The following PIK3C2A variants were observed in gnomAD, a reference collection of about 807,000 sequenced individuals.
PIK3C2A encodes phosphatidylinositol-4-phosphate 3-kinase catalytic subunit type 2 alpha, also known as phosphatidylinositol 4-phosphate 3-kinase C2 domain-containing subunit alpha.
In PIK3C2A, 97 loss-of-function variants were observed where a neutral mutation model predicts 204.5. That is an observed-to-expected ratio of 0.47 (90% CI 0.40 to 0.56). The LOEUF (loss-of-function observed/expected upper bound fraction) is 0.56, where lower values mean the gene tolerates loss of function less well. Ranked by LOEUF, PIK3C2A falls within the 20% of genes least tolerant of loss-of-function variation. The pLI is 0.00. For missense variants in PIK3C2A, 1,735 were observed against 1,969.2 expected (o/e 0.88, Z 2.25); for synonymous variants, 653 against 664.4 (o/e 0.98, Z 0.26).
At position 17,145,545 on chromosome 11, in the gene PIK3C2A, TAAA is replaced by T; in HGVS notation, c.1704+120_1704+122del. The T allele has an allele frequency of 6.5e-6, 4 of 613,236 alleles. No homozygotes were observed. In the Admixed American group the frequency reaches 1.2e-4, roughly 19 times the overall value. 38.0% of individuals were successfully genotyped at this position (613,236 alleles called of 1,614,324 possible). A position where few individuals can be genotyped will look rare whatever the true frequency, so the allele number is the denominator to read the frequency against. ...AATTAAACCTATTTTCTTTATAAAT[TAAA>T]AAGAAGAATATAGTCTTAAAAGTCC... is the stretch of plus-strand genomic sequence containing the variant. On this transcript the variant is annotated intron_variant, in intron 8 of 32. Transcript: ENST00000691414.
intron 2 of PIK3C2A, among the ~76,000 whole-genome samples, chr11:17,168,205 T>C (rs758830298): frequency 6.6e-6 from 1 of 152,130 alleles, no homozygotes; most frequent in African/African-American, 2.4e-5. Flanking sequence ...TCACATTTCA[T>C]CCTTTGCCAC....
intron 8 of PIK3C2A, among the ~76,000 whole-genome samples, chr11:17,144,419 A>G (rs1453176152): frequency 3.3e-5 from 5 of 152,330 alleles, no homozygotes; most frequent in African/African-American, 1.2e-4. Flanking sequence ...GGACTAGGTC[A>G]TTCATTTTCA....
intron 1 of PIK3C2A, among the ~76,000 whole-genome samples, chr11:17,182,082 A>T (rs2137529049): frequency 6.6e-6 from 1 of 151,954 alleles, no homozygotes; most frequent in African/African-American, 2.4e-5. Flanking sequence ...ACAAGAGTGA[A>T]ACTCTGTCTC....
chr11:17,089,172 A>G lies in PIK3C2A; in HGVS notation c.*566T>C, dbSNP rs1212820930. On this transcript the variant is annotated 3_prime_UTR_variant, in exon 33 of 33. Transcript: ENST00000691414. Reference sequence around the variant, plus strand: ...GGCACTTATTCTGAAAAAGGCTTTAAAGACATGAATAAAAAGCAGTATTAC... The same window carrying G: ...GGCACTTATTCTGAAAAAGGCTTTAGAGACATGAATAAAAAGCAGTATTAC... 4 of 152,230 alleles carry G rather than the reference A, an allele frequency of 2.6e-5. No individual in the cohort carries two copies. Among genetic ancestry groups the G allele is most frequent in the African/African-American group, 9.6e-5 (4 of 41,464 alleles). The allele number at this position is 152,230 out of a possible 1,614,324, so 9.4% of individuals were successfully genotyped here. A position where few individuals can be genotyped will look rare whatever the true frequency, so the allele number is the denominator to read the frequency against.
intron 26 of PIK3C2A, among the ~76,000 whole-genome samples, chr11:17,098,888 T>C (rs973372741): frequency 2.0e-5 from 3 of 152,168 alleles, no homozygotes; most frequent in Non-Finnish European, 2.9e-5. Context: ...TTAGAACATA[T>C]TTGTCAAGAA....
intron 19 of PIK3C2A, among the ~76,000 whole-genome samples, chr11:17,114,883 G>A (rs1169889054): frequency 6.6e-6 from 1 of 152,050 alleles, no homozygotes; most frequent in Non-Finnish European, 1.5e-5. Flanking sequence ...AATACATGTC[G>A]CTCTTGACTC....
intron 2 of PIK3C2A, among the ~76,000 whole-genome samples, chr11:17,165,429 T>A (rs1269774686): frequency 6.6e-6 from 1 of 152,156 alleles, no homozygotes; most frequent in Non-Finnish European, 1.5e-5. Flanking sequence ...ATATCTCCTA[T>A]GACAGGGAAC....
chr11:17,135,249 G>A (rs1849832618), intron 9 of PIK3C2A, 90 bp from the exon 10 acceptor site: 1 of 1,261,090 alleles, frequency 7.9e-7, no homozygotes, highest in African/African-American at 1.5e-5. Context: ...ACTCTTTCCA[G>A]GGGAAACCTC....
chr11:17,097,899 A>G (rs1351093098), intron 26 of PIK3C2A, among the ~76,000 whole-genome samples: 1 of 152,218 alleles, frequency 6.6e-6, no homozygotes, highest in Non-Finnish European at 1.5e-5. Context: ...TGGGTGCTGG[A>G]GTGAGACTGT....
chr11:17,172,254 A>G (rs905287787), intron 1 of PIK3C2A, among the ~76,000 whole-genome samples: 16 of 152,190 alleles, frequency 1.1e-4, no homozygotes, highest in African/African-American at 3.6e-4. Context: ...ATGAAATGGA[A>G]GTGACACTGT....
intron 15 of PIK3C2A, among the ~76,000 whole-genome samples, chr11:17,121,928 C>A (rs1161461505): frequency 1.3e-5 from 2 of 148,384 alleles, no homozygotes; most frequent in African/African-American, 2.5e-5. Context: ...TTTGACTTGA[C>A]AAATTTCTAA....
intron 15 of PIK3C2A, among the ~76,000 whole-genome samples, chr11:17,120,276 T>C (rs1462424108): frequency 6.6e-6 from 1 of 151,816 alleles, no homozygotes; most frequent in African/African-American, 2.4e-5. Context: ...GAAATCAGAG[T>C]TGAAAAAGCA....
chr11:17,146,614 C>G (rs987795405), intron 6 of PIK3C2A, among the ~76,000 whole-genome samples: 3 of 151,312 alleles, frequency 2.0e-5, no homozygotes, highest in Non-Finnish European at 4.4e-5. Flanking sequence ...CCAGCTATTC[C>G]AGAGGCTGAG....
chr11:17,095,411 T>TAAAA (rs1225897360), intron 27 of PIK3C2A, among the ~76,000 whole-genome samples: 1 of 110,178 alleles, frequency 9.1e-6, no homozygotes. Context: ...CTGTCTCTAC[T>TAAAA]AAAAAAAAAA....
chr11:17,110,168 G>A (rs1301292781), intron 22 of PIK3C2A, among the ~76,000 whole-genome samples: 4 of 151,984 alleles, frequency 2.6e-5, no homozygotes, highest in South Asian at 2.1e-4. Context: ...GCCCAGGTTG[G>A]ACTCAAACTC....
At chr11:17,129,780 C>T (rs998315382) in intron 12 of PIK3C2A, among the ~76,000 whole-genome samples, 6 of 151,934 alleles carry the variant, frequency 3.9e-5, no homozygotes, top group South Asian at 2.1e-4. Context: ...TTAGTAGAGA[C>T]GGGGTTTCAC....
At chr11:17,109,157 C>G (rs1465559501) in intron 22 of PIK3C2A, among the ~76,000 whole-genome samples, 2 of 152,202 alleles carry the variant, frequency 1.3e-5, no homozygotes, top group African/African-American at 4.8e-5. Flanking sequence ...AGGTGATTTC[C>G]TAGTGCCTAT....
chr11:17,206,582 G>T (rs1298309476), intron 1 of PIK3C2A, among the ~76,000 whole-genome samples: 2 of 149,198 alleles, frequency 1.3e-5, no homozygotes, highest in African/African-American at 4.9e-5. Flanking sequence ...GAGACCCCAT[G>T]TCAATTAAAA....
At chr11:17,130,266 A>G (rs958608418) in intron 12 of PIK3C2A, among the ~76,000 whole-genome samples, 27 of 152,132 alleles carry the variant, frequency 1.8e-4, no homozygotes, top group Non-Finnish European at 4.4e-5. Flanking sequence ...CCAATGCATT[A>G]TTTTTTTAAG....
Sources: allele counts gnomAD v4.1 joint callset (sites outside exome capture counted in the v4.1 genomes callset), GRCh38; gene constraint gnomAD v4.1.1; transcripts MANE v1.5; gene names NCBI Gene and HGNC (gene_info 2026-07-23, HGNC 2026-07-21).